Variants in AKAP6 observed in about 807,000 individuals in gnomAD.
AKAP6 encodes A-kinase anchor protein 6.
Under a neutral mutation model 188.5 loss-of-function variants are expected in AKAP6, and 58 were observed. The observed-to-expected ratio is 0.31, with a 90% CI of 0.25 to 0.38. The LOEUF is 0.38. AKAP6 is among the 10% of genes least tolerant of loss of function. The pLI, the probability that AKAP6 is intolerant of heterozygous loss-of-function variation, is 1.00. For missense variants in AKAP6, 2,710 were observed against 2,740.0 expected, an observed-to-expected ratio of 0.99 and a Z score of 0.24; for synonymous variants, 989 against 998.6, an observed-to-expected ratio of 0.99 and a Z score of 0.18.
chr14:32,554,245 C>A (rs531256439), intron 4 of AKAP6, among the ~76,000 whole-genome samples: 1 of 152,168 alleles, frequency 6.6e-6, no homozygotes, highest in Non-Finnish European at 1.5e-5. Flanking sequence ...GTGACAGAGA[C>A]CATGTGGCCT....
intron 1 of AKAP6, among the ~76,000 whole-genome samples, chr14:32,369,159 G>C (rs963988754): frequency 6.6e-6 from 1 of 152,154 alleles, no homozygotes; most frequent in East Asian, 1.9e-4. Context: ...GGTCATTGCA[G>C]GGACCCAGAT....
intron 7 of AKAP6, among the ~76,000 whole-genome samples, chr14:32,646,009 C>A (rs886316068): frequency 1.3e-5 from 2 of 151,984 alleles, no homozygotes; most frequent in Non-Finnish European, 2.9e-5. Flanking sequence ...TTTAATGGTG[C>A]CCACCTGGAA....
At chr14:32,744,099 A>G (rs2031790720) in intron 11 of AKAP6, among the ~76,000 whole-genome samples, 1 of 151,956 alleles carries the variant, frequency 6.6e-6, no homozygotes, top group Non-Finnish European at 1.5e-5. Context: ...TAAATATGTC[A>G]TGTCACTTTC....
At position 32,661,381 on chromosome 14, in the gene AKAP6, T is replaced by G. The variant is rs139632863; in HGVS notation, c.2731-16930T>G. Reference sequence around the variant, plus strand: ...ACCCTGGATATTTAAAGGGAAGGAGTGACAAAGCGGTTGCATGGTAAGCTA... The same window carrying G: ...ACCCTGGATATTTAAAGGGAAGGAGGGACAAAGCGGTTGCATGGTAAGCTA... On this transcript the variant is annotated intron_variant, in intron 7 of 13. Transcript: ENST00000280979. Among the ~76,000 whole-genome samples the G allele has an allele frequency of 2.6e-3, 393 of 151,830 alleles. 1 individual carries two copies. Among genetic ancestry groups the G allele is most frequent in the African/African-American group, 9.2e-3 (379 of 41,404 alleles).
intron 2 of AKAP6, chr14:32,473,774 C>T (rs1878906811): frequency 6.6e-6 from 1 of 152,292 alleles, no homozygotes; most frequent in Admixed American, 6.5e-5. Context: ...TGGCTTTCAT[C>T]CCAGCACATT....
Position 32,523,191 on chromosome 14 carries a change from G to C in AKAP6, c.325-12363G>C, listed in dbSNP as rs182142633. On this transcript the variant is annotated intron_variant, in intron 2 of 13. Coordinates refer to ENST00000280979, the MANE Select transcript of AKAP6 (RefSeq NM_004274.5). ...GGGGCCTGTCTTGGGGTGGGGGAAG[G>C]GGGGGAGGGATAACATTAGGAGATA... is the stretch of plus-strand genomic sequence containing the variant. Among the ~76,000 whole-genome samples, 53 of 152,032 alleles carry C rather than the reference G, an allele frequency of 3.5e-4. No homozygotes were observed. The East Asian group carries it at 6.4e-3, about 18-fold the overall frequency.
In AKAP6 at chr14:32,649,680, G is replaced by A. The variant is rs141060696; in HGVS notation, c.2731-28631G>A. On this transcript the variant is annotated intron_variant, in intron 7 of 13. Transcript: ENST00000280979. ...ATATAAGTTTTAGTCTGTAAATTTAGGATGCAAACATGGAACAAATGTGCA... is the reference window on the plus strand; with the variant it reads ...ATATAAGTTTTAGTCTGTAAATTTAAGATGCAAACATGGAACAAATGTGCA... Among the ~76,000 whole-genome samples the A allele has an allele frequency of 1.9e-3, 294 of 152,120 alleles. 1 individual carries two copies. Among genetic ancestry groups the A allele is most frequent in the African/African-American group, 6.7e-3 (280 of 41,510 alleles).
At chr14:32,496,669 C>T (rs982509431) in intron 2 of AKAP6, among the ~76,000 whole-genome samples, 1 of 152,018 alleles carries the variant, frequency 6.6e-6, no homozygotes, top group Non-Finnish European at 1.5e-5. Context: ...ACCCATCTAA[C>T]ATATTGTTAA....
intron 2 of AKAP6, among the ~76,000 whole-genome samples, chr14:32,509,441 G>T (rs1038548260): frequency 2.0e-5 from 3 of 152,036 alleles, no homozygotes; most frequent in African/African-American, 7.2e-5. Context: ...AGGATAAGTG[G>T]TAAACAAGAT....
At chr14:32,555,978 G>GT (rs557261677) in intron 4 of AKAP6, among the ~76,000 whole-genome samples, 5,406 of 142,926 alleles carry the variant, frequency 0.038, 250 homozygotes, top group African/African-American at 0.12. Context: ...ATTGCTGGAT[G>GT]TTTTTTTTTT....
intron 2 of AKAP6, among the ~76,000 whole-genome samples, chr14:32,446,877 C>G (rs1890772055): frequency 6.6e-6 from 1 of 152,028 alleles, no homozygotes; most frequent in South Asian, 2.1e-4. Context: ...TTTTAAAAAG[C>G]AAATGTGGTA....
At chr14:32,607,100 T>G (rs1249533067) in intron 7 of AKAP6, among the ~76,000 whole-genome samples, 1 of 151,986 alleles carries the variant, frequency 6.6e-6, no homozygotes, top group African/African-American at 2.4e-5. Context: ...TATAAAGGAG[T>G]CGATCTGGGG....
At chr14:32,454,665 C>T (rs1254351503) in intron 2 of AKAP6, among the ~76,000 whole-genome samples, 35 of 49,346 alleles carry the variant, frequency 7.1e-4, no homozygotes, top group African/African-American at 6.2e-3. Context: ...CTCTCCTTCC[C>T]TCCTTCCCTC....
intron 9 of AKAP6, among the ~76,000 whole-genome samples, chr14:32,708,027 C>T (rs796717387): frequency 6.6e-5 from 10 of 152,142 alleles, no homozygotes; most frequent in African/African-American, 2.4e-4. Context: ...GGCTAGTCTC[C>T]AGCCTCTCAA....
chr14:32,676,380 G>C (rs1296617824), intron 7 of AKAP6, among the ~76,000 whole-genome samples: 1 of 151,824 alleles, frequency 6.6e-6, no homozygotes, highest in Non-Finnish European at 1.5e-5. Context: ...TATTCTTTCA[G>C]GTTTCATGAT....
chr14:32,632,881 C>T (rs1887335277), intron 7 of AKAP6, among the ~76,000 whole-genome samples: 1 of 151,944 alleles, frequency 6.6e-6, no homozygotes, highest in South Asian at 2.1e-4. Context: ...TTGTTTGTAC[C>T]AAAATGTGGT....
intron 4 of AKAP6, among the ~76,000 whole-genome samples, chr14:32,548,999 T>C (rs180713052): frequency 5.9e-4 from 90 of 152,246 alleles, no homozygotes; most frequent in African/African-American, 1.9e-3. Flanking sequence ...TGCATATGGA[T>C]AGAATAACCT....
At chr14:32,671,116 T>G (rs1265227176) in intron 7 of AKAP6, among the ~76,000 whole-genome samples, 1 of 152,114 alleles carries the variant, frequency 6.6e-6, no homozygotes. Context: ...GGATAGGGAT[T>G]TCTAGGGGTG....
intron 7 of AKAP6, among the ~76,000 whole-genome samples, chr14:32,619,799 A>G (rs1013102185): frequency 2.0e-5 from 3 of 152,182 alleles, no homozygotes; most frequent in Non-Finnish European, 4.4e-5. Flanking sequence ...CTTCCAATGT[A>G]TGAGCATGGA....
Sources: gnomAD v4.1 joint callset for allele counts (sites outside exome capture counted in the v4.1 genomes callset) on GRCh38, gnomAD v4.1.1 for gene constraint, MANE v1.5 for transcripts, NCBI Gene and HGNC (gene_info 2026-07-23, HGNC 2026-07-21) for gene names.